GPC5: variants seen among roughly 807,000 people sequenced by gnomAD.
GPC5 encodes glypican-5.
In GPC5, 47 loss-of-function variants were observed where a neutral mutation model predicts 53.9. The observed-to-expected ratio is 0.87, with a 90% CI of 0.69 to 1.11. The LOEUF (loss-of-function observed/expected upper bound fraction) is 1.11. GPC5 is among the 50% of genes most tolerant of loss of function. The pLI is 0.00. For missense variants in GPC5, 748 were observed against 713.1 expected (o/e 1.05, Z -0.56); for synonymous variants, 286 against 263.3 (o/e 1.09, Z -0.84).
intron 2 of GPC5, among the ~76,000 whole-genome samples, chr13:91,646,486 C>T (rs17388158): frequency 0.074 from 11,257 of 151,398 alleles, 1,398 homozygotes; most frequent in African/African-American, 0.26. Flanking sequence ...GATACCTATC[C>T]AAAATTGTTA....
intron 2 of GPC5, among the ~76,000 whole-genome samples, chr13:91,480,388 A>C (rs1438855781): frequency 1.3e-5 from 2 of 152,176 alleles, no homozygotes; most frequent in Non-Finnish European, 2.9e-5. Context: ...CCTTCACCAC[A>C]TGTACACATG....
intron 6 of GPC5, among the ~76,000 whole-genome samples, chr13:91,957,145 A>G (rs1195051996): frequency 6.6e-6 from 1 of 152,278 alleles, no homozygotes; most frequent in East Asian, 1.9e-4. Context: ...AAAAAAATGG[A>G]AATTCTGGGA....
intron 7 of GPC5, among the ~76,000 whole-genome samples, chr13:92,848,252 A>T (rs77272916): frequency 0.014 from 2,125 of 152,304 alleles, 19 homozygotes; most frequent in Non-Finnish European, 0.022. Flanking sequence ...AGGCCTTATT[A>T]TGATGCAGAT....
chr13:92,490,198 G>T (rs1209908252), intron 7 of GPC5: 1 of 154,226 alleles, frequency 6.5e-6, no homozygotes, highest in Non-Finnish European at 1.5e-5. Context: ...GCTTTTAATG[G>T]TAAAACCCAC....
chr13:91,424,726 A>G (rs1220709909), intron 1 of GPC5, among the ~76,000 whole-genome samples: 1 of 152,172 alleles, frequency 6.6e-6, no homozygotes, highest in Non-Finnish European at 1.5e-5. Context: ...TATCATAGCC[A>G]TGACTAGCAT....
At chr13:92,045,177 A>G (rs1465762538) in intron 6 of GPC5, among the ~76,000 whole-genome samples, 1 of 152,198 alleles carries the variant, frequency 6.6e-6, no homozygotes, top group Non-Finnish European at 1.5e-5. Context: ...ACTTCCCTGC[A>G]TAAAATTTAG....
At chr13:92,505,163 G>A (rs1341438646) in intron 7 of GPC5, among the ~76,000 whole-genome samples, 1 of 151,648 alleles carries the variant, frequency 6.6e-6, no homozygotes, top group Non-Finnish European at 1.5e-5. Flanking sequence ...ACTTTGAGAA[G>A]TTAACTTTAA....
chr13:91,929,537 A>G (rs1307596000), intron 6 of GPC5, among the ~76,000 whole-genome samples: 3 of 152,074 alleles, frequency 2.0e-5, no homozygotes, highest in Admixed American at 6.6e-5. Context: ...TTTCATTGCC[A>G]TGTAAGCAGA....
rs116747702 is a variant in GPC5, at chr13:91,653,833, T to C, written c.326-39354T>C. 5.3e-3 allele frequency among the ~76,000 whole-genome samples: 808 copies of C among 152,278 alleles called. 11 individuals are homozygous for C. The highest frequency in any genetic ancestry group is 0.019 in the African/African-American group (770 of 41,572). On this transcript the variant is annotated intron_variant, in intron 2 of 7. Coordinates refer to ENST00000377067, the MANE Select transcript of GPC5 (RefSeq NM_004466.6). ...TTAACATACAATTAACTGCACATAA[T>C]TTGAATGTACAGTTTGATACATTTT...
chr13:92,381,982 CTATCTATCTATCTATCTATCTATA>C (rs1301009485), intron 7 of GPC5, among the ~76,000 whole-genome samples: 42 of 139,598 alleles, frequency 3.0e-4, no homozygotes, highest in African/African-American at 1.0e-3. Context: ...ATCTATCTAT[CTATCTATCTATCTATCTATCTATA>C]TATCTATCTG....
At chr13:92,098,476 T>C (rs970349035) in intron 6 of GPC5, among the ~76,000 whole-genome samples, 1 of 152,200 alleles carries the variant, frequency 6.6e-6, no homozygotes, top group Non-Finnish European at 1.5e-5. Flanking sequence ...GATGCTGCAA[T>C]GTGAACAGAC....
intron 7 of GPC5, among the ~76,000 whole-genome samples, chr13:92,587,672 G>A (rs990613887): frequency 1.3e-5 from 2 of 152,032 alleles, no homozygotes; most frequent in African/African-American, 4.8e-5. Context: ...CCTATGATTT[G>A]CTAACAAAAG....
intron 6 of GPC5, among the ~76,000 whole-genome samples, chr13:91,932,294 C>T (rs189619542): frequency 6.6e-6 from 1 of 152,092 alleles, no homozygotes; most frequent in Admixed American, 6.6e-5. Flanking sequence ...TGGGCATGTC[C>T]AAAATTTCAT....
chr13:92,668,223 T>A (rs1047514358), intron 7 of GPC5, among the ~76,000 whole-genome samples: 1 of 152,156 alleles, frequency 6.6e-6, no homozygotes, highest in African/African-American at 2.4e-5. Flanking sequence ...TTGTAGAAGT[T>A]CTGATAATAT....
intron 7 of GPC5, among the ~76,000 whole-genome samples, chr13:92,817,332 T>C (rs1206582300): frequency 1.3e-5 from 2 of 151,998 alleles, no homozygotes; most frequent in Admixed American, 1.3e-4. Context: ...TCCAATTGCC[T>C]AGAATACTAA....
At chr13:92,656,254 C>T (rs1278317404) in intron 7 of GPC5, among the ~76,000 whole-genome samples, 1 of 152,090 alleles carries the variant, frequency 6.6e-6, no homozygotes, top group Non-Finnish European at 1.5e-5. Flanking sequence ...TTATAGTTGA[C>T]ATTGTGAGAA....
intron 7 of GPC5, among the ~76,000 whole-genome samples, chr13:92,649,820 G>A (rs554968300): frequency 6.6e-5 from 10 of 152,130 alleles, no homozygotes; most frequent in East Asian, 3.9e-4. Context: ...CTCTTAAAAC[G>A]TAATTTCCTT....
chr13:92,123,512 C>A (rs954876769), intron 6 of GPC5, among the ~76,000 whole-genome samples: 6 of 152,088 alleles, frequency 3.9e-5, no homozygotes, highest in African/African-American at 1.4e-4. Flanking sequence ...ATTTATGTCA[C>A]CTTAGATTAT....
intron 7 of GPC5, among the ~76,000 whole-genome samples, chr13:92,353,266 C>CAAAAAAAAAAAAA (rs563794696): frequency 3.3e-4 from 22 of 66,862 alleles, no homozygotes; most frequent in South Asian, 5.7e-4. Flanking sequence ...GACTCCGTCT[C>CAAAAAAAAAAAAA]AAAAAAAAAA....
Sources: gnomAD v4.1 joint callset for allele counts (sites outside exome capture counted in the v4.1 genomes callset) on GRCh38, gnomAD v4.1.1 for gene constraint, MANE v1.5 for transcripts, NCBI Gene and HGNC (gene_info 2026-07-23, HGNC 2026-07-21) for gene names.